Variants in IRAG2 observed in about 807,000 individuals in gnomAD.
The protein encoded by IRAG2 is inositol 1,4,5-triphosphate receptor associated 2.
In IRAG2, 45 loss-of-function variants were observed where a neutral mutation model predicts 69.9. The observed-to-expected ratio is 0.64, with a 90% CI of 0.51 to 0.83. The LOEUF (loss-of-function observed/expected upper bound fraction) is 0.83, where lower values mean the gene tolerates loss of function less well. IRAG2 is among the 40% of genes least tolerant of loss of function. The pLI is 0.00. For missense variants in IRAG2, 520 were observed against 587.0 expected, an observed-to-expected ratio of 0.89 and a Z score of 1.18; for synonymous variants, 193 against 202.4, an observed-to-expected ratio of 0.95 and a Z score of 0.40.
At chr12:25,033,069 G>A (rs972948800) in intron 12 of IRAG2, among the ~76,000 whole-genome samples, 2 of 151,122 alleles carry the variant, frequency 1.3e-5, no homozygotes, top group African/African-American at 4.9e-5. Context: ...CAATTCTTCT[G>A]TCTCAGTCCC....
At chr12:25,085,058 A>C (rs1285197302) in intron 10 of IRAG2, among the ~76,000 whole-genome samples, 1 of 152,240 alleles carries the variant, frequency 6.6e-6, no homozygotes, top group Non-Finnish European at 1.5e-5. Context: ...TCTAGGGGTC[A>C]GTGTCTGTGA....
chr12:25,105,851 GAA>G lies in IRAG2; in HGVS notation c.1149-1085_1149-1084del, dbSNP rs543258484. ...ATTTATTTCCCATAGATGTTTGAAT[GAA>G]AAAAAAGTCTTTGAGACACATTTCC... is the stretch of plus-strand genomic sequence containing the variant. On this transcript the variant is annotated intron_variant, in intron 20 of 21. Coordinates refer to ENST00000556887, the MANE Select transcript of IRAG2 (RefSeq NM_001366544.2). Among the ~76,000 whole-genome samples, 190 of 151,868 alleles carry G rather than the reference GAA, an allele frequency of 1.3e-3. 1 individual carries two copies. The highest frequency in any genetic ancestry group is 4.5e-3 in the African/African-American group (185 of 41,424).
chr12:25,074,068 GC>G (rs539464122), intron 6 of IRAG2, among the ~76,000 whole-genome samples: 279 of 152,334 alleles, frequency 1.8e-3, no homozygotes, highest in Non-Finnish European at 3.1e-3. Context: ...TTACTTATTA[GC>G]TGTGTGAACT....
At chr12:25,046,083 G>C (rs1018455848) in intron 16 of IRAG2, among the ~76,000 whole-genome samples, 5 of 152,038 alleles carry the variant, frequency 3.3e-5, no homozygotes, top group African/African-American at 1.2e-4. Context: ...TGATTATCTT[G>C]ATATACCACA....
chr12:25,091,829 G>C (rs1948083476), intron 14 of IRAG2, among the ~76,000 whole-genome samples: 1 of 152,140 alleles, frequency 6.6e-6, no homozygotes, highest in African/African-American at 2.4e-5. Flanking sequence ...GTATCTTATT[G>C]TGGTTTGGTT....
intron 14 of IRAG2, chr12:25,093,461 A>G (rs1204093644): frequency 1.3e-5 from 2 of 152,762 alleles, no homozygotes; most frequent in African/African-American, 4.8e-5. Context: ...CCACTGACTT[A>G]ACTTTTCTTC....
chr12:25,101,881 G>A, intron 16 of IRAG2: 1 of 560,906 alleles, frequency 1.8e-6, no homozygotes, highest in Non-Finnish European at 3.4e-6. Context: ...CCCTGTTCTA[G>A]AACAGTAACC....
intron 2 of IRAG2, 53 bp downstream of exon 2, chr12:25,061,706 A>G (rs924501792): frequency 2.3e-5 from 9 of 398,262 alleles, no homozygotes; most frequent in Non-Finnish European, 3.5e-5. Flanking sequence ...TGTTCAATTC[A>G]TGTAAGGTTT....
At chr12:25,043,622 T>A (rs1944768369) in intron 16 of IRAG2, among the ~76,000 whole-genome samples, 2 of 151,918 alleles carry the variant, frequency 1.3e-5, no homozygotes, top group Admixed American at 6.5e-5. Flanking sequence ...CGGAGTACTA[T>A]GAGATGCATC....
chr12:25,030,415 C>G, intron 10 of IRAG2: 1 of 1,026,982 alleles, frequency 9.7e-7, no homozygotes, highest in Non-Finnish European at 1.2e-6. Flanking sequence ...TTGACGGAGT[C>G]TTGCTCTGTT....
chr12:25,036,598 C>A (rs1944704156), exon 15 of IRAG2: 1 of 398,746 alleles, frequency 2.5e-6, no homozygotes, highest in Non-Finnish European at 4.4e-6. Flanking sequence ...GAAGAAATTT[C>A]TAAAATTGCA....
chr12:25,082,124 T>G (rs1315911097), intron 9 of IRAG2, among the ~76,000 whole-genome samples: 1 of 152,056 alleles, frequency 6.6e-6, no homozygotes. Context: ...AAAGAAAAAG[T>G]TTTTATGTAT....
At chr12:25,084,216 T>G (rs1947416756) in intron 10 of IRAG2, among the ~76,000 whole-genome samples, 2 of 152,180 alleles carry the variant, frequency 1.3e-5, no homozygotes, top group Admixed American at 6.5e-5. Context: ...AGGGAGACCC[T>G]GTTTCTACAA....
At chr12:25,053,492 A>G (rs2139893022) in intron 1 of IRAG2, among the ~76,000 whole-genome samples, 1 of 152,036 alleles carries the variant, frequency 6.6e-6, no homozygotes, top group East Asian at 1.9e-4. Context: ...CTACATACAT[A>G]TTTTGCATTT....
upstream of IRAG2, among the ~76,000 whole-genome samples, chr12:25,049,909 G>A (rs1226833849): frequency 6.7e-6 from 1 of 149,320 alleles, no homozygotes; most frequent in African/African-American, 2.5e-5. Context: ...TGGGAACCCG[G>A]GAGGCGGAGC....
At chr12:25,088,075 C>CA (rs777591089) in intron 10 of IRAG2, 25 bp from the exon 11 acceptor site, 16 of 1,514,060 alleles carry the variant, frequency 1.1e-5, no homozygotes, top group Non-Finnish European at 1.4e-5. Flanking sequence ...ACTCTATGTA[C>CA]AGTGGTAAAA....
upstream of IRAG2, among the ~76,000 whole-genome samples, chr12:25,047,753 C>T (rs1483670545): frequency 6.6e-6 from 1 of 152,194 alleles, no homozygotes; most frequent in African/African-American, 2.4e-5. Context: ...AGGATAACAG[C>T]TTCCAGCTCC....
chr12:25,017,350 A>G (rs1292063051), intron 6 of IRAG2: 1 of 1,210,220 alleles, frequency 8.3e-7, no homozygotes, highest in Non-Finnish European at 1.0e-6. Context: ...TCTTTTTTTA[A>G]AAAACCTTTT....
In IRAG2 at chr12:25,079,869, T is replaced by A. The variant is rs990470380; in HGVS notation, c.244+106T>A. 11 of 649,914 alleles carry A rather than the reference T, an allele frequency of 1.7e-5. No individual in the cohort carries two copies. The African/African-American group carries it at 2.0e-4, about 12-fold the overall frequency. 40.3% of individuals were successfully genotyped at this position (649,914 alleles called of 1,614,324 possible). A position where few individuals can be genotyped will look rare whatever the true frequency, so the allele number is the denominator to read the frequency against. On this transcript the variant is annotated intron_variant, in intron 9 of 21. Coordinates refer to ENST00000556887, the MANE Select transcript of IRAG2 (RefSeq NM_001366544.2). ...ACTAGCTCAATAATGTTATTTAATT[T>A]TTTTTGTAAAATAATTCTTATAAAA... is the stretch of plus-strand genomic sequence containing the variant.
Sources: gnomAD v4.1 joint callset for allele counts (sites outside exome capture counted in the v4.1 genomes callset) on GRCh38, gnomAD v4.1.1 for gene constraint, MANE v1.5 for transcripts, NCBI Gene and HGNC (gene_info 2026-07-23, HGNC 2026-07-21) for gene names.